The following MICALL2 variants were observed in gnomAD, a reference collection of about 807,000 sequenced individuals.
MICALL2 encodes MICAL-like protein 2.
A neutral mutation model predicts 91.1 loss-of-function variants in MICALL2; 111 were observed. The observed-to-expected ratio is 1.22, with a 90% CI of 1.04 to 1.43. The LOEUF is 1.43. Ranked by LOEUF, MICALL2 falls within the 40% of genes most tolerant of loss-of-function variation. The pLI is 0.00. For missense variants in MICALL2, 1,556 were observed against 1,236.0 expected (o/e 1.26, Z -3.88); for synonymous variants, 694 against 525.3 (o/e 1.32, Z -4.39).
Position 1,451,903 on chromosome 7 carries a change from G to A in MICALL2, c.144-1615C>T, listed in dbSNP as rs551074203. 5.9e-5 allele frequency among the ~76,000 whole-genome samples: 9 copies of A among 152,308 alleles called. No homozygotes were observed. In the East Asian group the frequency reaches 9.6e-4, roughly 16 times the overall value. ...GCCCTGACCCCCATAAGAATGCTCC[G>A]AGGCCCGGACAGTGAGCCCATTTCA... On this transcript the variant is annotated intron_variant, in intron 1 of 16. Coordinates refer to ENST00000297508, the MANE Select transcript of MICALL2 (RefSeq NM_182924.4). This position sits in a 1 kb window ranked among gnomAD's most constrained non-coding sequence, Gnocchi z 4.5.
Position 1,437,597 on chromosome 7 carries a change from TG to T in MICALL2, c.2413del (p.Gln805SerfsTer24). On this transcript the variant is annotated frameshift_variant, in exon 14 of 17. Transcript: ENST00000297508. LOFTEE classifies it high-confidence loss of function. ...GTCCAGCTGCTGCTCCTCCAGACGC[TG>T]GGCCTTGGACCTGCCGCACAGACAC... ...ESELMYKSKA[Q>X]RLEEQQLDIE... The T allele has an allele frequency of 1.3e-6, 2 of 1,538,888 alleles. No homozygotes were observed.
intron 15 of MICALL2, among the ~76,000 whole-genome samples, chr7:1,435,847 C>A (rs146461504): frequency 6.6e-6 from 1 of 151,336 alleles, no homozygotes; most frequent in Non-Finnish European, 1.5e-5. Flanking sequence ...GAGGTCAGAT[C>A]GAGACCATCC....
chr7:1,439,053 G>T (rs1025428056), intron 9 of MICALL2, 58 bp from the exon 10 acceptor site: 8 of 1,397,662 alleles, frequency 5.7e-6, no homozygotes, highest in Middle Eastern at 2.5e-4. Context: ...GGGAGCCTGG[G>T]GTCTGTCCCA....
At chr7:1,444,375 G>A (rs1410092136) in intron 6 of MICALL2, among the ~76,000 whole-genome samples, 2 of 152,212 alleles carry the variant, frequency 1.3e-5, no homozygotes, top group African/African-American at 4.8e-5. Context: ...AGCACAGGGG[G>A]CCCCGGAGCG....
chr7:1,449,666 C>T (rs1396454304), intron 2 of MICALL2, among the ~76,000 whole-genome samples: 1 of 152,264 alleles, frequency 6.6e-6, no homozygotes, highest in Admixed American at 6.5e-5. Context: ...GGGACGTGGC[C>T]GGGGCCTGCC....
chr7:1,448,987 C>T (rs967183344), intron 2 of MICALL2, among the ~76,000 whole-genome samples: 2 of 152,256 alleles, frequency 1.3e-5, no homozygotes, highest in Non-Finnish European at 2.9e-5. Context: ...GGCCGGTGGG[C>T]GCTCAAGGCC....
intron 6 of MICALL2, among the ~76,000 whole-genome samples, chr7:1,443,933 C>T (rs1001524183): frequency 1.3e-5 from 2 of 152,144 alleles, no homozygotes; most frequent in East Asian, 1.9e-4. Context: ...CACAGGCAGG[C>T]GCCGGGCCCA....
chr7:1,444,014 C>A (rs932430581), intron 6 of MICALL2, among the ~76,000 whole-genome samples: 1 of 151,736 alleles, frequency 6.6e-6, no homozygotes, highest in Admixed American at 6.6e-5. Flanking sequence ...GCGTGGGTCC[C>A]GCTCGCGACC....
intron 6 of MICALL2, among the ~76,000 whole-genome samples, chr7:1,443,563 T>C (rs1738849606): frequency 6.6e-6 from 1 of 152,196 alleles, no homozygotes; most frequent in African/African-American, 2.4e-5. Flanking sequence ...ATGATCATGT[T>C]AAGATGCACT....
At chr7:1,436,586 C>T (rs1389669533) in intron 15 of MICALL2, among the ~76,000 whole-genome samples, 156 bp downstream of exon 15, 1 of 146,978 alleles carries the variant, frequency 6.8e-6, no homozygotes, top group Non-Finnish European at 1.5e-5. Context: ...AAAAAGTCCC[C>T]GATGGCCACA....
In MICALL2 at chr7:1,440,056, A is replaced by AGG. The variant is rs1780205721; in HGVS notation, c.1833_1834dup (p.Leu612ProfsTer26). On this transcript the variant is annotated frameshift_variant, in exon 9 of 17. Transcript: ENST00000297508. LOFTEE classifies it high-confidence loss of function. The stretch of plus-strand genomic sequence containing the variant: ...GGCCTCCCCCGCCCTCGGCTCTGCC[A>AGG]GGGCCCGTGGTTCCTTGGGCTTCAG... The AGG allele has an allele frequency of 3.2e-6, 5 of 1,585,956 alleles. No individual in the cohort carries two copies. The highest frequency in any genetic ancestry group is 4.3e-6 in the Non-Finnish European group (5 of 1,171,110).
chr7:1,455,520 C>T (rs530783675), intron 1 of MICALL2, among the ~76,000 whole-genome samples: 1 of 152,206 alleles, frequency 6.6e-6, no homozygotes, highest in African/African-American at 2.4e-5. Flanking sequence ...TGTTTCCTGG[C>T]CGTAAAGCGG....
chr7:1,458,994 C>A (rs1422095923), intron 1 of MICALL2, among the ~76,000 whole-genome samples, 190 bp downstream of exon 1: 1 of 152,136 alleles, frequency 6.6e-6, no homozygotes, highest in Non-Finnish European at 1.5e-5. Flanking sequence ...TGGCTCTGGC[C>A]CAGCTGCATT....
chr7:1,434,503 T>A lies in MICALL2; in HGVS notation c.*93A>T. ...TCCGGGCCGAGCCCACGGCCCCGAG[T>A]ACAAGTCCGGGTTCCGGGTCCGGGC... On this transcript the variant is annotated 3_prime_UTR_variant, in exon 17 of 17. Transcript: ENST00000297508. The A allele has an allele frequency of 8.7e-7, 1 of 1,153,652 alleles. No homozygotes were observed. Among genetic ancestry groups the A allele is most frequent in the Non-Finnish European group, 1.3e-6 (1 of 763,228 alleles). 71.5% of individuals were successfully genotyped at this position (1,153,652 alleles called of 1,614,324 possible).
In MICALL2 at chr7:1,438,310, C is replaced by G. The variant is rs1780085312; in HGVS notation, c.2166G>C (p.Glu722Asp). Reference protein sequence around the residue: ...SPANVPALPGETVTSPVRLHP... With the variant: ...SPANVPALPGDTVTSPVRLHP... ...TCACCCTGACTGGGGAGGTCACCGT[C>G]TCGCCAGGCAGAGCAGGGACATTGG... Residue 722 changes from glutamate to aspartate, a missense_variant, in exon 11 of 17, where the codon GAG (glutamate) becomes GAC (aspartate). Physicochemically the swap from Glu to Asp is conservative, Grantham distance 45. Coordinates refer to ENST00000297508, the MANE Select transcript of MICALL2 (RefSeq NM_182924.4). 1.2e-6 allele frequency: 2 copies of G among 1,603,210 alleles called. No homozygotes were observed. The highest frequency in any genetic ancestry group is 1.1e-5 in the South Asian group (1 of 89,320).
In MICALL2 at chr7:1,451,312, C is replaced by A. The variant is rs550784780; in HGVS notation, c.144-1024G>T. On this transcript the variant is annotated intron_variant, in intron 1 of 16. Transcript: ENST00000297508. This position sits in a 1 kb window ranked among gnomAD's most constrained non-coding sequence, Gnocchi z 4.5. ...GGCCCCAGCCCAGCCCCAGGCCCTCCGACAAAAACCACCAGGCTCCCAGCA... is the reference window on the plus strand; with the variant it reads ...GGCCCCAGCCCAGCCCCAGGCCCTCAGACAAAAACCACCAGGCTCCCAGCA... 6.6e-6 allele frequency among the ~76,000 whole-genome samples: 1 copy of A among 152,180 alleles called. No individual in the cohort carries two copies. Among genetic ancestry groups the A allele is most frequent in the South Asian group, 2.1e-4 (1 of 4,832 alleles).
intron 16 of MICALL2, 57 bp from the exon 17 acceptor site, chr7:1,434,729 C>G: frequency 6.8e-7 from 1 of 1,472,700 alleles, no homozygotes; most frequent in South Asian, 1.3e-5. Context: ...ACAGCCGTGG[C>G]CCACACAAGT....
chr7:1,437,846 C>A, intron 13 of MICALL2, 44 bp downstream of exon 13: 1 of 1,519,934 alleles, frequency 6.6e-7, no homozygotes, highest in Non-Finnish European at 8.9e-7. Context: ...CAGCCCGCAA[C>A]GAGGTCCTGG....
chr7:1,442,503 G>A lies in MICALL2; in HGVS notation c.1419-19C>T, dbSNP rs1780350642. ...GGAGGGCCTATAAGTAAAAGCGCAG[G>A]CATCAGGCACAGCTGGATCCAGGCG... On this transcript the variant is annotated intron_variant, in intron 6 of 16. Transcript: ENST00000297508. The A allele has an allele frequency of 2.6e-6, 4 of 1,518,294 alleles. No individual in the cohort carries two copies. The highest frequency in any genetic ancestry group is 1.4e-5 in the African/African-American group (1 of 71,714). The allele number at this position is 1,518,294 out of a possible 1,614,324, so 94.1% of individuals were successfully genotyped here. A position where few individuals can be genotyped will look rare whatever the true frequency, so the allele number is the denominator to read the frequency against.
Sources: gnomAD v4.1 joint callset for allele counts (sites outside exome capture counted in the v4.1 genomes callset) on GRCh38, gnomAD v4.1.1 for gene constraint, Gnocchi (gnomAD v3.1) non-coding constraint, MANE v1.5 for transcripts, NCBI Gene and HGNC (gene_info 2026-07-23, HGNC 2026-07-21) for gene names.